Variants in DOCK3 observed in about 807,000 individuals in gnomAD.
DOCK3 encodes the protein dedicator of cytokinesis protein 3.
DOCK3 carries 60 observed loss-of-function variants against 265.6 expected under a neutral mutation model. The ratio of observed to expected loss-of-function variants is 0.23; its 90% CI spans 0.18 to 0.28. The LOEUF is 0.28. Ranked by LOEUF, DOCK3 falls within the 10% of genes least tolerant of loss-of-function variation. The pLI is 1.00. For missense variants in DOCK3, 1,981 were observed against 2,594.3 expected (o/e 0.76, Z 5.14); for synonymous variants, 881 against 938.0 (o/e 0.94, Z 1.11).
intron 1 of DOCK3, among the ~76,000 whole-genome samples, chr3:50,698,517 G>GTTTTTTTTTTGTTTTTTTTTTTTTTT (rs2035796383): frequency 5.1e-5 from 1 of 19,506 alleles, no homozygotes; most frequent in Non-Finnish European, 1.2e-4. Flanking sequence ...TATGTTTTTG[G>GTTTTTTTTTTGTTTTTTTTTTTTTTT]TTTTTTTTTT....
chr3:51,356,578 A>C, intron 43 of DOCK3, 85 bp downstream of exon 43: 1 of 1,420,758 alleles, frequency 7.0e-7, no homozygotes, highest in Non-Finnish European at 9.8e-7. Flanking sequence ...GACTAAAGAA[A>C]AAGAGAGCGT....
At chr3:50,812,267 C>T (rs2043803313) in intron 2 of DOCK3, among the ~76,000 whole-genome samples, 1 of 152,198 alleles carries the variant, frequency 6.6e-6, no homozygotes, top group African/African-American at 2.4e-5. Context: ...TACTGGGCCT[C>T]CAACGTGCAA....
At chr3:51,023,659 GC>G (rs2079692245) in intron 5 of DOCK3, among the ~76,000 whole-genome samples, 1 of 152,128 alleles carries the variant, frequency 6.6e-6, no homozygotes, top group African/African-American at 2.4e-5. Flanking sequence ...CAGCTGATCT[GC>G]CCGCCTTGGC....
chr3:50,940,844 C>T lies in DOCK3; in HGVS notation c.315+6767C>T, dbSNP rs570732727. 2.6e-5 allele frequency among the ~76,000 whole-genome samples: 4 copies of T among 151,838 alleles called. No homozygotes were observed. The South Asian group carries it at 8.3e-4, about 32-fold the overall frequency. On this transcript the variant is annotated intron_variant, in intron 5 of 52. Coordinates refer to ENST00000266037, the MANE Select transcript of DOCK3 (RefSeq NM_004947.5). ...AGTAGAGGAACGATAGTCTTTTCAG[C>T]AAATGGTGTTGGAATAGTTGGATAT...
chr3:51,137,373 G>T (rs1055159668), intron 9 of DOCK3, among the ~76,000 whole-genome samples: 1 of 152,122 alleles, frequency 6.6e-6, no homozygotes, highest in Non-Finnish European at 1.5e-5. Context: ...GGAACATAAA[G>T]ATTAAATTGA....
rs73837438 is a variant in DOCK3 at position 51,361,053 on chromosome 3, G to A, written c.5006+421G>A. Among the ~76,000 whole-genome samples, 5,634 of 152,266 alleles carry A rather than the reference G, an allele frequency of 0.037. 180 individuals carry two copies. The highest frequency in any genetic ancestry group is 0.087 in the African/African-American group (3,619 of 41,536). Reference sequence around the variant, plus strand: ...GGAAAGGGGATAGGATCAGCTCTGAGTGGGCCTTGTTCATGCAGGCCTTTG... The same window carrying A: ...GGAAAGGGGATAGGATCAGCTCTGAATGGGCCTTGTTCATGCAGGCCTTTG... On this transcript the variant is annotated intron_variant, in intron 47 of 52. Transcript: ENST00000266037. The surrounding 1 kb of genome is among the most constrained non-coding windows in gnomAD (Gnocchi z 4.2).
At chr3:50,895,507 G>C (rs1435996744) in intron 4 of DOCK3, among the ~76,000 whole-genome samples, 1 of 151,574 alleles carries the variant, frequency 6.6e-6, no homozygotes, top group Non-Finnish European at 1.5e-5. Flanking sequence ...GGGATACAAA[G>C]ATTTCTTTTT....
intron 44 of DOCK3, 38 bp downstream of exon 44, chr3:51,357,179 C>T: frequency 6.3e-7 from 1 of 1,590,398 alleles, no homozygotes. Flanking sequence ...TGCAGCCAGC[C>T]TGGCCAGGAA....
intron 4 of DOCK3, among the ~76,000 whole-genome samples, chr3:50,896,216 A>G (rs2048888208): frequency 6.6e-6 from 1 of 152,100 alleles, no homozygotes; most frequent in Non-Finnish European, 1.5e-5. Context: ...ATGGTATTTC[A>G]TTGTGGTTTT....
intron 9 of DOCK3, among the ~76,000 whole-genome samples, chr3:51,116,472 AG>A (rs1553763621): frequency 6.9e-6 from 1 of 145,056 alleles, no homozygotes; most frequent in African/African-American, 2.8e-5. Context: ...AAAAAAAAAA[AG>A]GGTAGTTTTT....
At chr3:50,750,486 C>T (rs182895298) in intron 1 of DOCK3, among the ~76,000 whole-genome samples, 3 of 152,094 alleles carry the variant, frequency 2.0e-5, no homozygotes, top group Admixed American at 6.6e-5. Context: ...CCTGCCACCA[C>T]GCCCAGCTAA....
chr3:50,930,347 C>T (rs1559828980), intron 4 of DOCK3, among the ~76,000 whole-genome samples: 1 of 152,218 alleles, frequency 6.6e-6, no homozygotes, highest in Non-Finnish European at 1.5e-5. Flanking sequence ...TCCAGATCCA[C>T]AGCCCCCGCC....
intron 46 of DOCK3, among the ~76,000 whole-genome samples, 168 bp from the exon 47 acceptor site, chr3:51,360,343 T>C (rs1270627364): frequency 6.6e-6 from 1 of 152,222 alleles, no homozygotes; most frequent in African/African-American, 2.4e-5. Flanking sequence ...GGTGTTTTAG[T>C]CGTGAAGAGG....
At position 51,362,532 on chromosome 3, in the gene DOCK3, G is replaced by A. The variant is rs370184567; in HGVS notation, c.5151G>A (p.Ala1717=). Residue 1717 remains alanine, a synonymous_variant, in exon 49 of 53, where the codon GCG becomes GCA. Transcript: ENST00000266037. ...TGATTTTTCTCCCTTTGCAGCTCGC[G>A]TATCCCAACCCCAGGTACCAAGGCT... ...PEDLYHHMQL[A]YPNPRYQGSV... is the part of the protein sequence containing the mutation. The A allele has an allele frequency of 9.3e-6, 15 of 1,613,922 alleles. No individual in the cohort carries two copies. Among genetic ancestry groups the A allele is most frequent in the African/African-American group, 1.3e-5 (1 of 75,018 alleles).
chr3:50,899,991 CTG>C (rs1446853337), intron 4 of DOCK3, among the ~76,000 whole-genome samples: 1 of 151,992 alleles, frequency 6.6e-6, no homozygotes, highest in East Asian at 1.9e-4. Context: ...GTGGTGGTCT[CTG>C]TATTTCCTGA....
At chr3:50,947,770 A>G (rs1179422364) in intron 5 of DOCK3, among the ~76,000 whole-genome samples, 1 of 152,022 alleles carries the variant, frequency 6.6e-6, no homozygotes, top group African/African-American at 2.4e-5. Flanking sequence ...GGAGTGGAAG[A>G]CTCAATATGG....
chr3:51,346,136 G>C (rs1401330298), intron 38 of DOCK3, among the ~76,000 whole-genome samples: 2 of 152,028 alleles, frequency 1.3e-5, no homozygotes, highest in Non-Finnish European at 2.9e-5. Context: ...CTAACCAAAA[G>C]AGGTATATAT....
chr3:51,330,742 T>C (rs1320731445), intron 33 of DOCK3, among the ~76,000 whole-genome samples: 1 of 152,176 alleles, frequency 6.6e-6, no homozygotes, highest in Non-Finnish European at 1.5e-5. Context: ...TTCTTCTGGA[T>C]CCTCCATTCC....
chr3:51,270,331 A>G (rs1576607905), intron 23 of DOCK3, among the ~76,000 whole-genome samples: 1 of 152,348 alleles, frequency 6.6e-6, no homozygotes, highest in African/African-American at 2.4e-5. Context: ...GAAATGGTAC[A>G]GCTCTCAGAA....
Sources: allele counts gnomAD v4.1 joint callset (sites outside exome capture counted in the v4.1 genomes callset), GRCh38; gene constraint gnomAD v4.1.1; non-coding constraint Gnocchi (gnomAD v3.1); transcripts MANE v1.5; gene names NCBI Gene and HGNC (gene_info 2026-07-23, HGNC 2026-07-21).